The following NALF1 variants were observed in gnomAD, a reference collection of about 807,000 sequenced individuals.
NALF1 encodes family with sequence similarity 155 member A.
Under a neutral mutation model 48.4 loss-of-function variants are expected in NALF1, and 3 were observed. The ratio of observed to expected loss-of-function variants is 0.06; its 90% CI spans 0.03 to 0.16. The LOEUF is 0.16. Among genes scored for constraint, NALF1 ranks in the 10% least tolerant of loss-of-function variants. The probability of loss-of-function intolerance (pLI) is 1.00; values close to 1 mark genes in which losing one functional copy is unlikely to be tolerated. For missense variants in NALF1, 526 were observed against 571.5 expected (o/e 0.92, Z 0.81); for synonymous variants, 262 against 245.7 (o/e 1.07, Z -0.62).
At chr13:107,468,159 G>A (rs980081058) in intron 1 of NALF1, among the ~76,000 whole-genome samples, 5 of 151,836 alleles carry the variant, frequency 3.3e-5, no homozygotes, top group East Asian at 1.9e-4. Context: ...CTTGATTATC[G>A]CAAATAACAA....
intron 1 of NALF1, among the ~76,000 whole-genome samples, chr13:107,311,420 T>G (rs1409183158): frequency 6.6e-6 from 1 of 152,128 alleles, no homozygotes; most frequent in African/African-American, 2.4e-5. Context: ...TCTCAGAACT[T>G]TAAAACCTTC....
At chr13:107,355,008 T>C (rs1242374594) in intron 1 of NALF1, among the ~76,000 whole-genome samples, 1 of 152,166 alleles carries the variant, frequency 6.6e-6, no homozygotes, top group African/African-American at 2.4e-5. Flanking sequence ...CAGCAGGGCA[T>C]GGATTTGAGA....
At chr13:107,467,971 C>A (rs1483163456) in intron 1 of NALF1, among the ~76,000 whole-genome samples, 4 of 151,498 alleles carry the variant, frequency 2.6e-5, no homozygotes, top group African/African-American at 9.7e-5. Flanking sequence ...TGGCGTGAAC[C>A]CGGGAGGCGG....
At chr13:107,590,177 T>C (rs982884526) in intron 1 of NALF1, among the ~76,000 whole-genome samples, 9 of 151,920 alleles carry the variant, frequency 5.9e-5, no homozygotes, top group African/African-American at 1.9e-4. Context: ...ATAAATGAAA[T>C]GATAAAAAAT....
At chr13:107,818,732 C>A (rs956260376) in intron 1 of NALF1, among the ~76,000 whole-genome samples, 5 of 146,846 alleles carry the variant, frequency 3.4e-5, no homozygotes, top group Non-Finnish European at 7.4e-5. Context: ...ATTAGCCGGG[C>A]GTGGTAGCGG....
chr13:107,570,576 ATTTT>A (rs1287660220), intron 1 of NALF1, among the ~76,000 whole-genome samples: 1 of 148,328 alleles, frequency 6.7e-6, no homozygotes, highest in African/African-American at 2.5e-5. Flanking sequence ...TTATTTATTT[ATTTT>A]ATTTTATTAT....
At chr13:107,864,376 G>A (rs1381843972) in intron 1 of NALF1, among the ~76,000 whole-genome samples, 1 of 152,120 alleles carries the variant, frequency 6.6e-6, no homozygotes, top group African/African-American at 2.4e-5. Flanking sequence ...GTAAAATATG[G>A]CCTTTCGACT....
At chr13:107,834,915 A>G (rs1237298233) in intron 1 of NALF1, among the ~76,000 whole-genome samples, 1 of 152,198 alleles carries the variant, frequency 6.6e-6, no homozygotes, top group East Asian at 1.9e-4. Flanking sequence ...ACATGACAGC[A>G]AATGGCACAG....
At chr13:107,717,701 G>A (rs1398983624) in intron 1 of NALF1, among the ~76,000 whole-genome samples, 1 of 152,000 alleles carries the variant, frequency 6.6e-6, no homozygotes, top group Non-Finnish European at 1.5e-5. Flanking sequence ...TTTACCTTCT[G>A]AAAGCCAGGA....
chr13:107,164,990 C>T lies in NALF1; in HGVS notation c.*5507G>A, dbSNP rs1241086300. The T allele has an allele frequency of 6.6e-6, 1 of 152,172 alleles. No homozygotes were observed. The highest frequency in any genetic ancestry group is 6.5e-5 in the Admixed American group (1 of 15,276). The allele number at this position is 152,172 out of a possible 1,614,324, so 9.4% of individuals were successfully genotyped here. A position where few individuals can be genotyped will look rare whatever the true frequency, so the allele number is the denominator to read the frequency against. On this transcript the variant is annotated 3_prime_UTR_variant, in exon 3 of 3. Coordinates refer to ENST00000375915, the MANE Select transcript of NALF1 (RefSeq NM_001080396.3). Reference sequence around the variant, plus strand: ...CTCTTTTAAGCCTCCAATGTTGCCACGAAGTATTCTTCTTGCATGAGGTGT... The same window carrying T: ...CTCTTTTAAGCCTCCAATGTTGCCATGAAGTATTCTTCTTGCATGAGGTGT...
intron 2 of NALF1, among the ~76,000 whole-genome samples, chr13:107,175,936 C>T (rs1878917990): frequency 6.6e-6 from 1 of 152,068 alleles, no homozygotes; most frequent in Non-Finnish European, 1.5e-5. Context: ...AAGGGCCATC[C>T]CAGCTTCAGA....
chr13:107,373,372 G>A (rs551954923), intron 1 of NALF1, among the ~76,000 whole-genome samples: 1 of 152,172 alleles, frequency 6.6e-6, no homozygotes, highest in African/African-American at 2.4e-5. Context: ...CCCAAGAAAG[G>A]TGAAAGACCT....
At chr13:107,776,204 G>T (rs1390626641) in intron 1 of NALF1, among the ~76,000 whole-genome samples, 1 of 152,184 alleles carries the variant, frequency 6.6e-6, no homozygotes, top group East Asian at 1.9e-4. Flanking sequence ...GCAATAGAGG[G>T]CAGTGATGAA....
intron 1 of NALF1, among the ~76,000 whole-genome samples, chr13:107,817,343 C>A (rs1204491657): frequency 6.6e-6 from 1 of 152,196 alleles, no homozygotes; most frequent in African/African-American, 2.4e-5. Flanking sequence ...TGTCCTTGTG[C>A]TACTTAGAAT....
rs545007171 is a variant in NALF1 at position 107,279,984 on chromosome 13, G to A, written c.916-69229C>T. On this transcript the variant is annotated intron_variant, in intron 1 of 2. Transcript: ENST00000375915. ...GTTTGTTTTGTATTATAGAGATGAG[G>A]TCTTGCTATGTTGCCCAGGCTGGTC... Among the ~76,000 whole-genome samples, 8 of 152,180 alleles carry A rather than the reference G, an allele frequency of 5.3e-5. 1 individual carries two copies. In the South Asian group the frequency reaches 1.7e-3, roughly 32 times the overall value.
rs532580262 is a variant in NALF1 at position 107,305,617 on chromosome 13, A to G, written c.916-94862T>C. 3.3e-5 allele frequency among the ~76,000 whole-genome samples: 5 copies of G among 152,340 alleles called. No homozygotes were observed. In the South Asian group the frequency reaches 6.2e-4, roughly 19 times the overall value. On this transcript the variant is annotated intron_variant, in intron 1 of 2. Coordinates refer to ENST00000375915, the MANE Select transcript of NALF1 (RefSeq NM_001080396.3). ...AAGAGCCTGAGTCCCATACAATGTC[A>G]TGGCACTGCCAAACTAACCCACATG...
intron 1 of NALF1, among the ~76,000 whole-genome samples, chr13:107,263,387 G>C (rs2138856428): frequency 6.6e-6 from 1 of 152,000 alleles, no homozygotes; most frequent in African/African-American, 2.4e-5. Flanking sequence ...TGAGCATGCA[G>C]GTGACCACAT....
chr13:107,685,297 G>C (rs1002610674), intron 1 of NALF1, among the ~76,000 whole-genome samples: 1 of 152,018 alleles, frequency 6.6e-6, no homozygotes, highest in East Asian at 1.9e-4. Context: ...TGGGTGACAA[G>C]GCGAGACACC....
intron 1 of NALF1, among the ~76,000 whole-genome samples, chr13:107,279,262 T>G (rs186024507): frequency 1.2e-3 from 190 of 152,188 alleles, no homozygotes; most frequent in Middle Eastern, 6.8e-3. Flanking sequence ...TTTTTTGTTT[T>G]GTTTTTCTTT....
Sources: allele counts gnomAD v4.1 joint callset (sites outside exome capture counted in the v4.1 genomes callset), GRCh38; gene constraint gnomAD v4.1.1; transcripts MANE v1.5; gene names NCBI Gene and HGNC (gene_info 2026-07-23, HGNC 2026-07-21).